Variants in SOX5 observed in about 807,000 individuals in gnomAD.
The protein encoded by SOX5 is SRY-box transcription factor 5, also known as transcription factor SOX-5.
SOX5 carries 9 observed loss-of-function variants against 92.0 expected under a neutral mutation model. The observed-to-expected ratio is 0.10, with a 90% confidence interval of 0.06 to 0.17. The LOEUF is 0.17. Among genes scored for constraint, SOX5 ranks in the 10% least tolerant of loss-of-function variants. The probability of loss-of-function intolerance (pLI) is 1.00; values close to 1 mark genes in which losing one functional copy is unlikely to be tolerated. For synonymous variants in SOX5, 344 were observed against 336.3 expected (o/e 1.02, Z -0.25); for missense variants, 642 against 944.5 (o/e 0.68, Z 4.20).
intron 2 of SOX5, among the ~76,000 whole-genome samples, chr12:24,307,515 A>AGGGAGGGAAGGAAGGAAGTTAGTTTGT: frequency 1.0e-3 from 25 of 24,484 alleles, no homozygotes; most frequent in South Asian, 2.2e-3. Flanking sequence ...GGAAGGAAGG[A>AGGGAGGGAAGGAAGGAAGTTAGTTTGT]AGGCCGGCCC....
chr12:23,628,774 T>C (rs1296982479), intron 8 of SOX5, among the ~76,000 whole-genome samples: 1 of 151,908 alleles, frequency 6.6e-6, no homozygotes, highest in Non-Finnish European at 1.5e-5. Context: ...AAACAGCAAA[T>C]TTGAAATGTG....
intron 4 of SOX5, among the ~76,000 whole-genome samples, chr12:24,200,178 G>A (rs1483077152): frequency 6.6e-6 from 1 of 152,162 alleles, no homozygotes; most frequent in African/African-American, 2.4e-5. Context: ...ACTGGGCTAG[G>A]AATCAGGAAA....
chr12:24,455,352 C>CG (rs1942888107), intron 1 of SOX5, among the ~76,000 whole-genome samples: 1 of 152,102 alleles, frequency 6.6e-6, no homozygotes, highest in Non-Finnish European at 1.5e-5. Flanking sequence ...GCTTGTATAA[C>CG]TATTATTTTT....
chr12:24,013,264 C>T (rs1592328140), intron 4 of SOX5, among the ~76,000 whole-genome samples: 2 of 152,140 alleles, frequency 1.3e-5, no homozygotes, highest in East Asian at 3.8e-4. Context: ...GTAAAGAAGG[C>T]TAGTCTGAAC....
At chr12:23,701,560 T>C (rs2090631892) in intron 6 of SOX5, among the ~76,000 whole-genome samples, 1 of 152,060 alleles carries the variant, frequency 6.6e-6, no homozygotes. Context: ...CCAACTTGAG[T>C]AAGTATTTAG....
chr12:23,831,445 A>G (rs922192307), intron 3 of SOX5, among the ~76,000 whole-genome samples: 1 of 152,080 alleles, frequency 6.6e-6, no homozygotes, highest in African/African-American at 2.4e-5. Flanking sequence ...ATTGCACAGT[A>G]GGACAGAGAG....
chr12:23,739,676 AC>A (rs2140982310), intron 5 of SOX5, among the ~76,000 whole-genome samples: 1 of 152,166 alleles, frequency 6.6e-6, no homozygotes, highest in Non-Finnish European at 1.5e-5. Context: ...TTGTAATATT[AC>A]CACTGTAAAT....
chr12:24,497,889 T>A (rs1424438022), intron 1 of SOX5, among the ~76,000 whole-genome samples: 1 of 152,144 alleles, frequency 6.6e-6, no homozygotes, highest in Non-Finnish European at 1.5e-5. Flanking sequence ...TGAGATCATA[T>A]CCTCTGCAGG....
intron 1 of SOX5, among the ~76,000 whole-genome samples, chr12:24,458,329 A>C (rs1488636954): frequency 3.3e-5 from 5 of 151,922 alleles, no homozygotes; most frequent in Admixed American, 6.6e-5. Flanking sequence ...TTCTCTAAAA[A>C]CTCCAGAATG....
At chr12:23,546,176 G>C (rs901116849) in intron 12 of SOX5, 140 bp downstream of exon 12, 9 of 576,078 alleles carry the variant, frequency 1.6e-5, no homozygotes, top group Admixed American at 9.9e-5. Flanking sequence ...TGGCACATGG[G>C]GACTGCTCAG....
At chr12:23,850,031 A>G (rs971176230) in intron 2 of SOX5, among the ~76,000 whole-genome samples, 7 of 152,184 alleles carry the variant, frequency 4.6e-5, no homozygotes, top group Admixed American at 3.3e-4. Context: ...TATTGCATAG[A>G]GGTAGCATAA....
intron 2 of SOX5, among the ~76,000 whole-genome samples, chr12:24,307,450 A>AAAGGAAGGAAGGAAGG (rs71063305): frequency 2.5e-5 from 3 of 118,574 alleles, no homozygotes; most frequent in African/African-American, 4.1e-5. Context: ...GTATAGCTGG[A>AAAGGAAGGAAGGAAGG]AAGGAAGGAA....
chr12:23,814,827 T>C (rs2095955096), intron 3 of SOX5, among the ~76,000 whole-genome samples: 2 of 152,200 alleles, frequency 1.3e-5, no homozygotes, highest in African/African-American at 2.4e-5. Flanking sequence ...TAACTATCCA[T>C]TAAAATACTT....
At chr12:23,720,624 A>G (rs1333648886) in intron 6 of SOX5, among the ~76,000 whole-genome samples, 1 of 152,236 alleles carries the variant, frequency 6.6e-6, no homozygotes, top group Non-Finnish European at 1.5e-5. Context: ...AAAAAAAAAT[A>G]CAGAGACTAT....
chr12:24,527,185 A>G (rs1450042462), intron 1 of SOX5, among the ~76,000 whole-genome samples: 1 of 152,148 alleles, frequency 6.6e-6, no homozygotes, highest in Non-Finnish European at 1.5e-5. Flanking sequence ...TGCATCCCCA[A>G]TGCCTATGAG....
chr12:23,845,818 C>A (rs376739044), intron 3 of SOX5, among the ~76,000 whole-genome samples, 165 bp downstream of exon 3: 7 of 152,014 alleles, frequency 4.6e-5, no homozygotes, highest in African/African-American at 1.2e-4. Context: ...ATAGACAGGG[C>A]TAAGTGTTTC....
chr12:24,407,397 C>T (rs989144653), intron 1 of SOX5: 1 of 152,164 alleles, frequency 6.6e-6, no homozygotes, highest in Non-Finnish European at 1.5e-5. Context: ...TATGGTTAAG[C>T]AGAGGGTCCG....
At chr12:23,616,507 C>T (rs904208352) in intron 8 of SOX5, among the ~76,000 whole-genome samples, 2 of 152,156 alleles carry the variant, frequency 1.3e-5, no homozygotes, top group African/African-American at 4.8e-5. Flanking sequence ...GAAGGGTATA[C>T]TAAGGAATAG....
chr12:24,560,260 C>T (rs1393556476), intron 1 of SOX5, among the ~76,000 whole-genome samples: 2 of 152,106 alleles, frequency 1.3e-5, no homozygotes, highest in Non-Finnish European at 2.9e-5. Flanking sequence ...ACATCCCTTC[C>T]CACCCCCACA....
Sources: allele counts gnomAD v4.1 joint callset (sites outside exome capture counted in the v4.1 genomes callset), GRCh38; gene constraint gnomAD v4.1.1; transcripts MANE v1.5; gene names NCBI Gene and HGNC (gene_info 2026-07-23, HGNC 2026-07-21).